The following NEURL1 variants were observed in gnomAD, a reference collection of about 807,000 sequenced individuals.
The protein encoded by NEURL1 is E3 ubiquitin-protein ligase NEURL1.
A neutral mutation model predicts 41.2 loss-of-function variants in NEURL1; 26 were observed. The observed-to-expected ratio is 0.63, with a 90% CI of 0.46 to 0.87. The LOEUF (loss-of-function observed/expected upper bound fraction) is 0.87, where lower values mean the gene tolerates loss of function less well. NEURL1 is among the 40% of genes least tolerant of loss of function. NEURL1 has a pLI of 0.00. For synonymous variants in NEURL1, 400 were observed against 402.3 expected, an observed-to-expected ratio of 0.99 and a Z score of 0.07; for missense variants, 761 against 871.1, an observed-to-expected ratio of 0.87 and a Z score of 1.59.
chr10:103,571,315 G>A (rs570824440), intron 2 of NEURL1, among the ~76,000 whole-genome samples, 186 bp from the exon 3 acceptor site: 13 of 152,252 alleles, frequency 8.5e-5, no homozygotes, highest in Admixed American at 7.8e-4. Context: ...GGAAGGAACC[G>A]GGAGGGCGGT....
chr10:103,513,876 C>T (rs2034134341), intron 1 of NEURL1, among the ~76,000 whole-genome samples: 1 of 151,238 alleles, frequency 6.6e-6, no homozygotes, highest in Non-Finnish European at 1.5e-5. Flanking sequence ...GCAGTGAGGC[C>T]GGGGGAGGGC....
intron 1 of NEURL1, among the ~76,000 whole-genome samples, chr10:103,502,820 C>T (rs761753554): frequency 2.6e-5 from 4 of 152,196 alleles, no homozygotes; most frequent in East Asian, 1.9e-4. Flanking sequence ...GTGCCAGGGC[C>T]GCCTGTTTCC....
chr10:103,581,413 A>C (rs1407499376), intron 3 of NEURL1, among the ~76,000 whole-genome samples: 1 of 152,166 alleles, frequency 6.6e-6, no homozygotes, highest in Non-Finnish European at 1.5e-5. Flanking sequence ...TTTCATCCTC[A>C]CAGCGTCTCT....
In NEURL1 at chr10:103,590,123, C is replaced by T. The variant is rs762551003; in HGVS notation, c.1487-11C>T. On this transcript the variant is annotated splice_polypyrimidine_tract_variant and intron_variant, in intron 5 of 5. Coordinates refer to ENST00000369780, the MANE Select transcript of NEURL1 (RefSeq NM_004210.5). ...CATGTCTCCTCCTGACTGGTGCCCC[C>T]TTGTCCTCAGGGACAGCCCCCAATT... 14 of 1,612,656 alleles carry T rather than the reference C, an allele frequency of 8.7e-6. No individual in the cohort carries two copies. The highest frequency in any genetic ancestry group is 4.5e-5 in the East Asian group (2 of 44,888).
chr10:103,565,073 G>A (rs1449189229), intron 1 of NEURL1, among the ~76,000 whole-genome samples: 1 of 152,194 alleles, frequency 6.6e-6, no homozygotes, highest in Non-Finnish European at 1.5e-5. Flanking sequence ...TGTAGCCGCA[G>A]GGTGGACAGG....
chr10:103,552,809 G>A (rs1046961821), intron 1 of NEURL1, among the ~76,000 whole-genome samples: 5 of 152,002 alleles, frequency 3.3e-5, no homozygotes, highest in African/African-American at 1.2e-4. Context: ...GCCAGGCCAT[G>A]GCTCTCTCTG....
rs367923460 is a variant in NEURL1 at position 103,590,222 on chromosome 10, T to C, written c.1575T>C (p.Tyr525=). The change falls in exon 6 of 6, where the codon TAT becomes TAC. Residue 525 remains tyrosine, a synonymous_variant. Coordinates refer to ENST00000369780, the MANE Select transcript of NEURL1 (RefSeq NM_004210.5). ...GGAGCGATGAGTGCACCATTTGCTATGAACACGCGGTGGACACGGTCATCT... is the reference window on the plus strand; with the variant it reads ...GGAGCGATGAGTGCACCATTTGCTACGAACACGCGGTGGACACGGTCATCT... ...GQWSDECTIC[Y]EHAVDTVIYT... 1.2e-6 allele frequency: 2 copies of C among 1,614,184 alleles called. No homozygotes were observed. Among genetic ancestry groups the C allele is most frequent in the Non-Finnish European group, 1.7e-6 (2 of 1,180,040 alleles).
At chr10:103,577,055 G>A (rs1171421514) in intron 3 of NEURL1, among the ~76,000 whole-genome samples, 1 of 152,238 alleles carries the variant, frequency 6.6e-6, no homozygotes, top group African/African-American at 2.4e-5. Context: ...GGGGCCAAGA[G>A]GCAAATATTA....
intron 4 of NEURL1, among the ~76,000 whole-genome samples, chr10:103,589,168 A>C (rs2035985541): frequency 6.6e-6 from 1 of 152,086 alleles, no homozygotes; most frequent in African/African-American, 2.4e-5. Context: ...CCGGCCCAGG[A>C]AGCTTTGCAG....
In NEURL1 at chr10:103,566,609, G is replaced by T. The variant is rs183948864; in HGVS notation, c.86-4263G>T. On this transcript the variant is annotated intron_variant, in intron 1 of 5. Coordinates refer to ENST00000369780, the MANE Select transcript of NEURL1 (RefSeq NM_004210.5). The surrounding 1 kb of genome is among the most constrained non-coding windows in gnomAD (Gnocchi z 4.2). ...TTTAACTGCTCACCAGCTGAAGGAC[G>T]TTTGAGTTGTTTCTAGTTCAGGGTT... is the stretch of plus-strand genomic sequence containing the variant. 2.6e-5 allele frequency among the ~76,000 whole-genome samples: 4 copies of T among 152,282 alleles called. No homozygotes were observed. The East Asian group carries it at 5.8e-4, about 22-fold the overall frequency.
In NEURL1 at chr10:103,503,788, CTTT is replaced by C. The variant is rs56098530; in HGVS notation, c.85+9334_85+9336del. ...AGAGCTCATGCTGTGCTCCCCCTGG[CTTT>C]TTTTTTTTTTTTTTTTTGAGACAGG... On this transcript the variant is annotated intron_variant, in intron 1 of 5. Transcript: ENST00000369780. Among the ~76,000 whole-genome samples the C allele has an allele frequency of 3.6e-5, 4 of 110,584 alleles. No individual in the cohort carries two copies. In the East Asian group the frequency reaches 9.1e-4, roughly 25 times the overall value. The allele number at this position is 110,584 out of a possible 152,430, so 72.5% of individuals were successfully genotyped here.
At chr10:103,586,370 G>A (rs796433790) in intron 4 of NEURL1, among the ~76,000 whole-genome samples, 5 of 152,254 alleles carry the variant, frequency 3.3e-5, no homozygotes, top group African/African-American at 1.2e-4. Flanking sequence ...TTACCTGGAG[G>A]ACCTATTAAA....
intron 1 of NEURL1, among the ~76,000 whole-genome samples, chr10:103,565,044 G>C (rs1454657308): frequency 6.6e-6 from 1 of 152,182 alleles, no homozygotes; most frequent in Non-Finnish European, 1.5e-5. Context: ...TAGAAGAGTG[G>C]CGAGGCCTGA....
At chr10:103,504,026 C>T (rs1390767561) in intron 1 of NEURL1, among the ~76,000 whole-genome samples, 1 of 150,348 alleles carries the variant, frequency 6.7e-6, no homozygotes, top group Non-Finnish European at 1.5e-5. Context: ...CAGAATTTCA[C>T]TCTGTCGCCC....
At chr10:103,547,283 C>T (rs2034941946) in intron 1 of NEURL1, among the ~76,000 whole-genome samples, 2 of 152,380 alleles carry the variant, frequency 1.3e-5, no homozygotes, top group South Asian at 4.1e-4. Flanking sequence ...GTAGTATTTG[C>T]TGTGTCACAG....
intron 1 of NEURL1, among the ~76,000 whole-genome samples, chr10:103,522,448 T>C (rs1233502548): frequency 8.1e-6 from 1 of 123,052 alleles, no homozygotes. Flanking sequence ...TCTCTACTAA[T>C]AATACAAAAA....
chr10:103,528,460 G>C (rs756979416), intron 1 of NEURL1, among the ~76,000 whole-genome samples: 1 of 151,802 alleles, frequency 6.6e-6, no homozygotes, highest in Middle Eastern at 3.2e-3. Flanking sequence ...GCTTGAACCC[G>C]GGAGGCGGAG....
chr10:103,587,984 C>G (rs1266941283), intron 4 of NEURL1, among the ~76,000 whole-genome samples: 4 of 152,124 alleles, frequency 2.6e-5, no homozygotes, highest in Non-Finnish European at 5.9e-5. Flanking sequence ...GTAGGAGAGT[C>G]ACAGGTGAAT....
At chr10:103,533,473 G>T (rs2034617464) in intron 1 of NEURL1, among the ~76,000 whole-genome samples, 1 of 148,866 alleles carries the variant, frequency 6.7e-6, no homozygotes, top group Non-Finnish European at 1.5e-5. Context: ...AGGTTCAAGT[G>T]ATTCTCCTGC....
Sources: allele counts gnomAD v4.1 joint callset (sites outside exome capture counted in the v4.1 genomes callset), GRCh38; gene constraint gnomAD v4.1.1; non-coding constraint Gnocchi (gnomAD v3.1); transcripts MANE v1.5; gene names NCBI Gene and HGNC (gene_info 2026-07-23, HGNC 2026-07-21).